The following ZNF764 variants were observed in gnomAD, a reference collection of about 807,000 sequenced individuals.
ZNF764 encodes zinc finger protein 764.
A neutral mutation model predicts 13.9 loss-of-function variants in ZNF764; 10 were observed. That is an observed-to-expected ratio of 0.72 (90% confidence interval 0.44 to 1.22). ZNF764 has a LOEUF of 1.22. ZNF764 is among the 50% of genes most tolerant of loss of function. The pLI, the probability that ZNF764 is intolerant of heterozygous loss-of-function variation, is 0.00. For missense variants in ZNF764, 647 were observed against 589.7 expected, an observed-to-expected ratio of 1.10 and a Z score of -1.01; for synonymous variants, 313 against 255.1, an observed-to-expected ratio of 1.23 and a Z score of -2.16.
chr16:30,556,879 G>GTA (rs1335872641), intron 2 of ZNF764, among the ~76,000 whole-genome samples: 1 of 152,150 alleles, frequency 6.6e-6, no homozygotes, highest in Non-Finnish European at 1.5e-5. Flanking sequence ...GCTCACGCCT[G>GTA]TAATCCCAGC....
chr16:30,556,094 C>A lies in ZNF764; in HGVS notation c.324G>T (p.Lys108Asn). 6.2e-7 allele frequency: 1 copy of A among 1,611,320 alleles called. No individual in the cohort carries two copies. The highest frequency in any genetic ancestry group is 8.5e-7 in the Non-Finnish European group (1 of 1,180,020). Residue 108 changes from lysine to asparagine, a missense_variant, in exon 3 of 3, where the codon AAG becomes AAT. Coordinates refer to ENST00000395091, the MANE Select transcript of ZNF764 (RefSeq NM_001172679.2). ...QTQTDPDSRN[K>N]KKERQREGTG... Reference sequence around the variant, plus strand: ...TCCCTTCCCTTTGTCTTTCCTTTTTCTTGTTTCTGGAATCTGCTGAGAGAT... The same window carrying A: ...TCCCTTCCCTTTGTCTTTCCTTTTTATTGTTTCTGGAATCTGCTGAGAGAT...
chr16:30,557,759 G>T lies in ZNF764; in HGVS notation c.284C>A (p.Ala95Glu), dbSNP rs773475883. 3 of 1,613,530 alleles carry T rather than the reference G, an allele frequency of 1.9e-6. No homozygotes were observed. In the Admixed American group the frequency reaches 5.0e-5, roughly 27 times the overall value. ...TGGGTCCGTTTGTGTCTGACATTTC[G>T]CCACCTCCGGATCCTGGGCAGCCGG... ...WGPAAQDPEV[A>E]KCQTQTDPDS... Residue 95 changes from alanine (A) to glutamate (E), a missense_variant, in exon 2 of 3, where the codon GCG becomes GAG. Ala to Glu is a moderately radical substitution (Grantham distance 107). Transcript: ENST00000395091.
rs1317885786 is a variant in ZNF764 at position 30,555,957 on chromosome 16, G to A, written c.461C>T (p.Pro154Leu). The change falls in exon 3 of 3, where the codon CCG (proline) becomes CTG (leucine). Residue 154 changes from proline to leucine, a missense_variant. Coordinates refer to ENST00000395091, the MANE Select transcript of ZNF764 (RefSeq NM_001172679.2). ...PYGWEQLSKA[P>L]HRGRPSLCAH... ...ACAGAGGGAGGGGCGTCCCCGGTGCGGTGCCTTGGACAGCTGCTCCCAACC... is the reference window on the plus strand; with the variant it reads ...ACAGAGGGAGGGGCGTCCCCGGTGCAGTGCCTTGGACAGCTGCTCCCAACC... The A allele has an allele frequency of 6.2e-7, 1 of 1,611,860 alleles. No individual in the cohort carries two copies. The highest frequency in any genetic ancestry group is 8.5e-7 in the Non-Finnish European group (1 of 1,179,840).
chr16:30,557,216 G>C (rs188943041), intron 2 of ZNF764, among the ~76,000 whole-genome samples: 4 of 152,078 alleles, frequency 2.6e-5, no homozygotes, highest in Non-Finnish European at 4.4e-5. Flanking sequence ...TGATACAGGA[G>C]AATTACTTGA....
intron 1 of ZNF764, 39 bp downstream of exon 1, chr16:30,557,948 T>C (rs1165452959): frequency 1.3e-6 from 2 of 1,576,788 alleles, no homozygotes; most frequent in Non-Finnish European, 1.7e-6. Flanking sequence ...GCAGGGCCTG[T>C]GGGGGCGCAG....
chr16:30,555,526 G>A lies in ZNF764; in HGVS notation c.892C>T (p.Pro298Ser), dbSNP rs771560878. Residue 298 changes from proline to serine, a missense_variant, in exon 3 of 3, where the codon CCC becomes TCC. Transcript: ENST00000395091. ...CPDCGRAFAY[P>S]SDLRRHVRTH... ...CGCACGTGGCGCCGCAGGTCCGAGG[G>A]GTAGGCGAAGGCGCGGCCACAGTCC... 7 of 1,533,906 alleles carry A rather than the reference G, an allele frequency of 4.6e-6. No individual in the cohort carries two copies. The highest frequency in any genetic ancestry group is 2.8e-5 in the African/African-American group (2 of 72,494).
Position 30,555,207 on chromosome 16 carries a change from T to G in ZNF764, c.1211A>C (p.Gln404Pro), listed in dbSNP as rs749830446. ...CTTTTAAGGCCGTCACCCACACTCC[T>G]GGAATATCTCCGGGTACAGCTGGAA... ...VGFQLYPEIFQECG is the reference protein window; with the variant it reads ...VGFQLYPEIFPECG Residue 404 changes from glutamine (Q) to proline (P), a missense_variant, in exon 3 of 3, where the codon CAG becomes CCG. Gln to Pro is a moderately conservative substitution (Grantham distance 76, BLOSUM62 -1). Coordinates refer to ENST00000395091, the MANE Select transcript of ZNF764 (RefSeq NM_001172679.2). 2 of 1,609,740 alleles carry G rather than the reference T, an allele frequency of 1.2e-6. No individual in the cohort carries two copies.
At chr16:30,557,304 TA>T (rs1225602378) in intron 2 of ZNF764, among the ~76,000 whole-genome samples, 17 of 146,552 alleles carry the variant, frequency 1.2e-4, no homozygotes, top group Admixed American at 2.0e-4. Context: ...AAACTCTGTC[TA>T]AAAAAAAAAA....
At position 30,555,301 on chromosome 16, in the gene ZNF764, C is replaced by T. The variant is rs1016128744; in HGVS notation, c.1117G>A (p.Gly373Ser). The change falls in exon 3 of 3, where the codon GGC becomes AGC. Residue 373 changes from glycine to serine, a missense_variant. Gly to Ser is a moderately conservative substitution (Grantham distance 56). Coordinates refer to ENST00000395091, the MANE Select transcript of ZNF764 (RefSeq NM_001172679.2). ...VHRPGAGGHR[G>S]RVAGRLSVTL... Reference sequence around the variant, plus strand: ...ACAGACAGACGCCCGGCGACCCGGCCCCTGTGGCCCCCGGCCCCGGGCCGA... The same window carrying T: ...ACAGACAGACGCCCGGCGACCCGGCTCCTGTGGCCCCCGGCCCCGGGCCGA... 2.5e-6 allele frequency: 4 copies of T among 1,610,974 alleles called. No homozygotes were observed. The Admixed American group carries it at 5.0e-5, about 20-fold the overall frequency.
In ZNF764 at chr16:30,555,633, TCGGCGCAGCCATAGGG is replaced by T. The variant is rs1469664115; in HGVS notation, c.769_784del (p.Pro257ThrfsTer120). On this transcript the variant is annotated frameshift_variant, in exon 3 of 3. Coordinates refer to ENST00000395091, the MANE Select transcript of ZNF764 (RefSeq NM_001172679.2). LOFTEE classifies it low-confidence loss of function (END_TRUNC). ...GCTCTGGCTGAAGCGGCGGCCACAG[TCGGCGCAGCCATAGGG>T]TTTCTCGCCGGTGTGGACGCGCAGG... 2 of 1,536,962 alleles carry T rather than the reference TCGGCGCAGCCATAGGG, an allele frequency of 1.3e-6. No individual in the cohort carries two copies. The highest frequency in any genetic ancestry group is 1.7e-6 in the Non-Finnish European group (2 of 1,146,316).
intron 1 of ZNF764, 38 bp downstream of exon 1, chr16:30,557,949 G>C (rs1457650519): frequency 6.3e-7 from 1 of 1,577,502 alleles, no homozygotes. Context: ...CAGGGCCTGT[G>C]GGGGCGCAGG....
chr16:30,557,686 G>GACAGGA, intron 2 of ZNF764, 47 bp downstream of exon 2: 1 of 1,608,154 alleles, frequency 6.2e-7, no homozygotes. Context: ...ACCGGGATGG[G>GACAGGA]ACAGGAACAG....
chr16:30,555,517 G>C lies in ZNF764; in HGVS notation c.901C>G (p.Leu301Val), dbSNP rs749869811. The C allele has an allele frequency of 1.4e-5, 22 of 1,536,578 alleles. No homozygotes were observed. The highest frequency in any genetic ancestry group is 1.8e-5 in the Non-Finnish European group (21 of 1,147,286). ...GTGTGGGTGCGCACGTGGCGCCGCA[G>C]GTCCGAGGGGTAGGCGAAGGCGCGG... ...CGRAFAYPSDLRRHVRTHTGE... is the reference protein window; with the variant it reads ...CGRAFAYPSDVRRHVRTHTGE... The change falls in exon 3 of 3, where the codon CTG (leucine) becomes GTG (valine). Residue 301 changes from leucine to valine, a missense_variant. Physicochemically the swap from Leu to Val is conservative, Grantham distance 32. Transcript: ENST00000395091.
Position 30,555,038 on chromosome 16 carries a change from G to A in ZNF764, c.*156C>T. 1.2e-6 allele frequency: 1 copy of A among 856,170 alleles called. No homozygotes were observed. The highest frequency in any genetic ancestry group is 1.7e-6 in the Non-Finnish European group (1 of 574,664). 53.0% of individuals were successfully genotyped at this position (856,170 alleles called of 1,614,324 possible). A position where few individuals can be genotyped will look rare whatever the true frequency, so the allele number is the denominator to read the frequency against. On this transcript the variant is annotated 3_prime_UTR_variant, in exon 3 of 3. Coordinates refer to ENST00000395091, the MANE Select transcript of ZNF764 (RefSeq NM_001172679.2). The stretch of plus-strand genomic sequence containing the variant: ...GGCAGTGGGGAGCAAGGTGCTGGCA[G>A]AGGAGGCTGCTAAGGGCCCAAGATC...
In ZNF764 at chr16:30,556,096, T is replaced by C. The variant is rs754992430; in HGVS notation, c.322A>G (p.Lys108Glu). ...CCTTCCCTTTGTCTTTCCTTTTTCTTGTTTCTGGAATCTGCTGAGAGATAA... is the reference window on the plus strand; with the variant it reads ...CCTTCCCTTTGTCTTTCCTTTTTCTCGTTTCTGGAATCTGCTGAGAGATAA... ...QTQTDPDSRN[K>E]KKERQREGTG... The change falls in exon 3 of 3, where the codon AAG (lysine) becomes GAG (glutamate). Residue 108 changes from lysine (K) to glutamate (E), a missense_variant. Lys to Glu is a moderately conservative substitution (Grantham distance 56, BLOSUM62 1). Transcript: ENST00000395091. 1.9e-6 allele frequency: 3 copies of C among 1,611,186 alleles called. No individual in the cohort carries two copies. The highest frequency in any genetic ancestry group is 2.5e-6 in the Non-Finnish European group (3 of 1,179,988).
At position 30,555,696 on chromosome 16, in the gene ZNF764, T is replaced by G. The variant is rs746374251; in HGVS notation, c.722A>C (p.Gln241Pro). 2.5e-5 allele frequency: 40 copies of G among 1,575,856 alleles called. No homozygotes were observed. The highest frequency in any genetic ancestry group is 2.2e-5 in the Non-Finnish European group (26 of 1,163,852). Residue 241 changes from glutamine (Q) to proline (P), a missense_variant, in exon 3 of 3, where the codon CAG becomes CCG. Gln to Pro is a moderately conservative substitution (Grantham distance 76). Transcript: ENST00000395091. ...RCLECGRAFT[Q>P]RSALTSHLRV... The stretch of plus-strand genomic sequence containing the variant: ...CAGGTGCGAAGTCAGCGCCGAGCGC[T>G]GCGTGAAGGCCCGGCCACACTCCAG...
intron 2 of ZNF764, among the ~76,000 whole-genome samples, chr16:30,556,776 G>GA (rs1567509875): frequency 6.6e-6 from 1 of 152,094 alleles, no homozygotes; most frequent in African/African-American, 2.4e-5. Flanking sequence ...CGAAGCAGGC[G>GA]AATCGCTTAG....
rs1454987092 is a variant in ZNF764 at position 30,556,172 on chromosome 16, C to T, written c.311-65G>A. 17 of 1,577,262 alleles carry T rather than the reference C, an allele frequency of 1.1e-5. No homozygotes were observed. In the East Asian group the frequency reaches 2.0e-4, roughly 19 times the overall value. ...ATCCTGGTCCTTGAATCCCACAGCCCGCGTGGACAGGGACAGGCCTGCTGG... is the reference window on the plus strand; with the variant it reads ...ATCCTGGTCCTTGAATCCCACAGCCTGCGTGGACAGGGACAGGCCTGCTGG... On this transcript the variant is annotated intron_variant, in intron 2 of 2. Transcript: ENST00000395091.
chr16:30,555,697 G>T lies in ZNF764; in HGVS notation c.721C>A (p.Gln241Lys). Residue 241 changes from glutamine (Q) to lysine (K), a missense_variant, in exon 3 of 3, where the codon CAG becomes AAG. Gln to Lys is a moderately conservative substitution (Grantham distance 53). Transcript: ENST00000395091. Reference sequence around the variant, plus strand: ...AGGTGCGAAGTCAGCGCCGAGCGCTGCGTGAAGGCCCGGCCACACTCCAGA... The same window carrying T: ...AGGTGCGAAGTCAGCGCCGAGCGCTTCGTGAAGGCCCGGCCACACTCCAGA... ...RCLECGRAFTQRSALTSHLRV... is the reference protein window; with the variant it reads ...RCLECGRAFTKRSALTSHLRV... 6.3e-7 allele frequency: 1 copy of T among 1,576,658 alleles called. No homozygotes were observed.
Sources: gnomAD v4.1 joint callset for allele counts (sites outside exome capture counted in the v4.1 genomes callset) on GRCh38, gnomAD v4.1.1 for gene constraint, MANE v1.5 for transcripts, NCBI Gene and HGNC (gene_info 2026-07-23, HGNC 2026-07-21) for gene names.